Variants in CEP44 observed in about 807,000 individuals in gnomAD.
CEP44 encodes the protein centrosomal protein 44.
CEP44 carries 45 observed loss-of-function variants against 46.7 expected under a neutral mutation model. The observed-to-expected ratio is 0.96, with a 90% confidence interval of 0.76 to 1.24. The LOEUF is 1.24. Among genes scored for constraint, CEP44 ranks in the 50% most tolerant of loss-of-function variants. The probability of loss-of-function intolerance (pLI) is 0.00; values close to 1 mark genes in which losing one functional copy is unlikely to be tolerated. For synonymous variants in CEP44, 142 were observed against 146.0 expected (o/e 0.97, Z 0.20); for missense variants, 475 against 459.7 (o/e 1.03, Z -0.30).
chr4:174,292,721 T>C (rs1244903398), intron 1 of CEP44, among the ~76,000 whole-genome samples: 2 of 152,228 alleles, frequency 1.3e-5, no homozygotes, highest in Non-Finnish European at 2.9e-5. Flanking sequence ...TTGGTTCTTT[T>C]TTATGCTTCT....
chr4:174,327,010 A>G (rs935338276), intron 8 of CEP44, among the ~76,000 whole-genome samples: 1 of 151,740 alleles, frequency 6.6e-6, no homozygotes, highest in African/African-American at 2.4e-5. Flanking sequence ...ACAGTTTTTT[A>G]GAATTAATAG....
rs1741710525 is a variant in CEP44 at position 174,316,337 on chromosome 4, C to A, written c.1086+47C>A. ...TTCCTTTCTAAATGAGGAAAACAAG[C>A]AAGCATTAGCTTTTGTTGTAAATAT... is the stretch of plus-strand genomic sequence containing the variant. On this transcript the variant is annotated intron_variant, in intron 10 of 11. Coordinates refer to ENST00000503780, the MANE Select transcript of CEP44 (RefSeq NM_001040157.3). 6.4e-6 allele frequency: 10 copies of A among 1,557,806 alleles called. No homozygotes were observed. In the East Asian group the frequency reaches 2.2e-4, roughly 35 times the overall value.
rs538554429 is a variant in CEP44 at position 174,314,405 on chromosome 4, T to C, written c.962-1761T>C. Among the ~76,000 whole-genome samples, 3 of 152,360 alleles carry C rather than the reference T, an allele frequency of 2.0e-5. No individual in the cohort carries two copies. The highest frequency in any genetic ancestry group is 7.2e-5 in the African/African-American group (3 of 41,590). On this transcript the variant is annotated intron_variant, in intron 9 of 11. Transcript: ENST00000503780. This position sits in a 1 kb window ranked among gnomAD's most constrained non-coding sequence, Gnocchi z 4.1. ...GAAATTAATGTGCAGTTAACTGATCTGGCTATTAAATATAGCTGGTGTTCT... is the reference window on the plus strand; with the variant it reads ...GAAATTAATGTGCAGTTAACTGATCCGGCTATTAAATATAGCTGGTGTTCT...
chr4:174,312,854 A>G lies in CEP44; in HGVS notation c.961+1996A>G, dbSNP rs1207358395. On this transcript the variant is annotated intron_variant, in intron 9 of 11. Transcript: ENST00000503780. The surrounding 1 kb of genome is among the most constrained non-coding windows in gnomAD (Gnocchi z 4.5). ...TTTACTACTCTGGGTTTAGGATCAT[A>G]TTAAATCAGGAATAGTTTTTGTGAG... Among the ~76,000 whole-genome samples the G allele has an allele frequency of 6.6e-6, 1 of 152,230 alleles. No individual in the cohort carries two copies. The highest frequency in any genetic ancestry group is 6.5e-5 in the Admixed American group (1 of 15,284).
In CEP44 at chr4:174,325,581, G is replaced by A. The variant is rs901996726; in HGVS notation, c.1087-5901G>A. Among the ~76,000 whole-genome samples the A allele has an allele frequency of 6.6e-6, 1 of 152,098 alleles. No homozygotes were observed. Among genetic ancestry groups the A allele is most frequent in the Non-Finnish European group, 1.5e-5 (1 of 68,018 alleles). On this transcript the variant is annotated intron_variant, in intron 8 of 8. Coordinates refer to the CEP44 transcript ENST00000426172. The surrounding 1 kb of genome is among the most constrained non-coding windows in gnomAD (Gnocchi z 4.4). ...GAGGTGGGAAGATAACTTGAGCTGA[G>A]GAGGTTGTGGCTTCAGTGAGCTATG...
In CEP44 at chr4:174,331,595, A is replaced by G. The variant is rs573045241; in HGVS notation, c.1200A>G (p.Ter400=). The change falls in exon 9 of 9, where the codon TAA becomes TAG. Residue 400 remains the stop codon, a stop_retained_variant. Coordinates refer to the CEP44 transcript ENST00000426172. This position sits in a 1 kb window ranked among gnomAD's most constrained non-coding sequence, Gnocchi z 4.5. ...TTGCTTGGCCTCTCTCCTGTGTGTA[A>G]TCTCTGTTTCTTGGATCCTGTGCTT... 1.9e-6 allele frequency: 3 copies of G among 1,550,610 alleles called. No individual in the cohort carries two copies. Among genetic ancestry groups the G allele is most frequent in the Middle Eastern group, 1.7e-4 (1 of 5,990 alleles).
chr4:174,289,051 G>GTA (rs1303117048), intron 1 of CEP44, among the ~76,000 whole-genome samples: 1 of 152,106 alleles, frequency 6.6e-6, no homozygotes, highest in African/African-American at 2.4e-5. Flanking sequence ...TATTAATGCA[G>GTA]TATATTACAT....
At chr4:174,321,888 A>G (rs1466758880), downstream of CEP44, among the ~76,000 whole-genome samples, 1 of 152,176 alleles carries the variant, frequency 6.6e-6, no homozygotes, top group East Asian at 1.9e-4. Flanking sequence ...TTAGGTGCAA[A>G]GAGAGCGAGA....
chr4:174,289,292 CTTCTTT>C lies in CEP44; in HGVS notation c.-148+5352_-148+5357del, dbSNP rs1259629058. Among the ~76,000 whole-genome samples the C allele has an allele frequency of 2.5e-5, 3 of 120,842 alleles. No homozygotes were observed. The South Asian group carries it at 8.2e-4, about 33-fold the overall frequency. 79.3% of individuals were successfully genotyped at this position (120,842 alleles called of 152,430 possible). On this transcript the variant is annotated intron_variant, in intron 1 of 11. Coordinates refer to ENST00000503780, the MANE Select transcript of CEP44 (RefSeq NM_001040157.3). ...CAGAATGACTTTGGAAGTGTTCCCTCTTCTTTTTTTTTTTTTTTTAGATATGTTTAA... is the reference window on the plus strand; with the variant it reads ...CAGAATGACTTTGGAAGTGTTCCCTCTTTTTTTTTTTTTAGATATGTTTAA...
intron 1 of CEP44, chr4:174,285,548 T>G (rs1393508299): frequency 6.6e-6 from 1 of 152,116 alleles, no homozygotes; most frequent in Non-Finnish European, 1.5e-5. Context: ...CACTGAAATG[T>G]TTTCCAAAAT....
Position 174,320,161 on chromosome 4 carries a change from T to C in CEP44, c.*2778T>C. 2.0e-6 allele frequency: 2 copies of C among 984,906 alleles called. No homozygotes were observed. The highest frequency in any genetic ancestry group is 1.7e-5 in the African/African-American group (1 of 57,338). 61.0% of individuals were successfully genotyped at this position (984,906 alleles called of 1,614,324 possible). On this transcript the variant is annotated 3_prime_UTR_variant, in exon 12 of 12. Coordinates refer to ENST00000503780, the MANE Select transcript of CEP44 (RefSeq NM_001040157.3). The stretch of plus-strand genomic sequence containing the variant: ...ATAAAGAATACATAAGGTAAAATAC[T>C]AGTCAGAAAGGGTTCAGAAGAAGTT...
intron 2 of CEP44, among the ~76,000 whole-genome samples, chr4:174,298,268 C>A (rs952647971): frequency 1.3e-5 from 2 of 148,702 alleles, no homozygotes; most frequent in African/African-American, 4.9e-5. Flanking sequence ...CTCCGCCTCC[C>A]GGGTTCACGC....
chr4:174,307,493 CA>C (rs1434266356), intron 6 of CEP44, among the ~76,000 whole-genome samples: 1 of 151,902 alleles, frequency 6.6e-6, no homozygotes, highest in Non-Finnish European at 1.5e-5. Flanking sequence ...ATGTAAAACC[CA>C]AAACTATAAA....
Position 174,319,041 on chromosome 4 carries a change from T to TAA in CEP44, c.*1660_*1661dup. On this transcript the variant is annotated 3_prime_UTR_variant, in exon 12 of 12. Coordinates refer to ENST00000503780, the MANE Select transcript of CEP44 (RefSeq NM_001040157.3). ...CCAGTCTGTTCTCAAACTCGTGAGC[T>TAA]AAAGCTACTCGCCCACCTGGATGTC... 1 of 584,272 alleles carries TAA rather than the reference T, an allele frequency of 1.7e-6. No homozygotes were observed. Among genetic ancestry groups the TAA allele is most frequent in the Non-Finnish European group, 2.2e-6 (1 of 463,888 alleles). 36.2% of individuals were successfully genotyped at this position (584,272 alleles called of 1,614,324 possible). A position where few individuals can be genotyped will look rare whatever the true frequency, so the allele number is the denominator to read the frequency against.
chr4:174,307,101 A>G lies in CEP44; in HGVS notation c.508-1588A>G, dbSNP rs1267685160. On this transcript the variant is annotated intron_variant, in intron 6 of 11. Transcript: ENST00000503780. The stretch of plus-strand genomic sequence containing the variant: ...TACCATTGACAGTCTTCAGAGAACT[A>G]AAGAAAACTACTTTAAAATTTATAT... 3.3e-5 allele frequency among the ~76,000 whole-genome samples: 5 copies of G among 152,152 alleles called. No homozygotes were observed. In the East Asian group the frequency reaches 7.7e-4, roughly 23 times the overall value.
rs1375548579 is a variant in CEP44 at position 174,301,338 on chromosome 4, C to T, written c.90-701C>T. 1.3e-5 allele frequency among the ~76,000 whole-genome samples: 2 copies of T among 152,070 alleles called. No homozygotes were observed. The highest frequency in any genetic ancestry group is 1.3e-4 in the Admixed American group (2 of 15,272). On this transcript the variant is annotated intron_variant, in intron 3 of 11. Coordinates refer to ENST00000503780, the MANE Select transcript of CEP44 (RefSeq NM_001040157.3). The surrounding 1 kb of genome is among the most constrained non-coding windows in gnomAD (Gnocchi z 4.3). ...CACTACCAGACAGATAAAGACACAG[C>T]AGATACTGAGTAGCCTGGGAGTCTT...
exon 9 of CEP44, chr4:174,332,419 GCATC>G (rs1464358660): frequency 1.3e-5 from 2 of 152,202 alleles, no homozygotes; most frequent in African/African-American, 4.8e-5. Flanking sequence ...TCTATTAACT[GCATC>G]AACCACATCT....
chr4:174,326,753 A>C lies in CEP44; in HGVS notation c.1087-4729A>C, dbSNP rs1281574712. ...ATTTTCAAATGAAGGATACAATTTT[A>C]GGTGAATAGGGATTTTTGGTTTTTT... is the stretch of plus-strand genomic sequence containing the variant. On this transcript the variant is annotated intron_variant, in intron 8 of 8. Transcript: ENST00000426172. This position sits in a 1 kb window ranked among gnomAD's most constrained non-coding sequence, Gnocchi z 4.8. Among the ~76,000 whole-genome samples, 5 of 151,982 alleles carry C rather than the reference A, an allele frequency of 3.3e-5. No homozygotes were observed. Among genetic ancestry groups the C allele is most frequent in the Admixed American group, 6.6e-5 (1 of 15,260 alleles).
In CEP44 at chr4:174,304,254, C is replaced by A; in HGVS notation, c.392C>A (p.Ser131Ter). Residue 131 changes from serine (S) to a stop codon, truncating the protein, a stop_gained, in exon 6 of 12, where the codon TCA (serine) becomes TAA (stop). Transcript: ENST00000503780. LOFTEE classifies it high-confidence loss of function. ...TAATACCTTTTTTTTTAGATTCCAT[C>A]ACAACAAAGAAAGAAAATCAGTTCT... Reference protein sequence around the residue: ...KELSSLQKIPSQQRKKISSGK... With the variant: ...KELSSLQKIP 6.3e-7 allele frequency: 1 copy of A among 1,586,142 alleles called. No individual in the cohort carries two copies. Among genetic ancestry groups the A allele is most frequent in the South Asian group, 1.2e-5 (1 of 84,114 alleles).
Sources: allele counts gnomAD v4.1 joint callset (sites outside exome capture counted in the v4.1 genomes callset), GRCh38; gene constraint gnomAD v4.1.1; non-coding constraint Gnocchi (gnomAD v3.1); transcripts MANE v1.5; gene names NCBI Gene and HGNC (gene_info 2026-07-23, HGNC 2026-07-21).